The following NUBPL variants were observed in gnomAD, a reference collection of about 807,000 sequenced individuals.
NUBPL encodes NUBP iron-sulfur cluster assembly factor, mitochondrial, also known as iron-sulfur cluster transfer protein NUBPL.
In NUBPL, 31 loss-of-function variants were observed where a neutral mutation model predicts 45.7. The observed-to-expected ratio is 0.68, with a 90% CI of 0.51 to 0.92. The LOEUF is 0.92. NUBPL is among the 40% of genes least tolerant of loss of function. The pLI, the probability that NUBPL is intolerant of heterozygous loss-of-function variation, is 0.00. For missense variants in NUBPL, 401 were observed against 398.7 expected (o/e 1.01, Z -0.05); for synonymous variants, 144 against 140.9 (o/e 1.02, Z -0.15).
chr14:31,686,697 C>T (rs1472556611), intron 6 of NUBPL: 2 of 152,244 alleles, frequency 1.3e-5, no homozygotes, highest in African/African-American at 4.8e-5. Flanking sequence ...TTCATAACAA[C>T]ATGGAATGCT....
At chr14:31,636,255 G>T (rs7140603) in intron 4 of NUBPL, among the ~76,000 whole-genome samples, 24,616 of 150,776 alleles carry the variant, frequency 0.16, 5,715 homozygotes, top group African/African-American at 0.53. Context: ...ATTATTTTGA[G>T]ATACGTCCCA....
At chr14:31,814,022 T>C (rs2039867432) in intron 7 of NUBPL, among the ~76,000 whole-genome samples, 2 of 152,344 alleles carry the variant, frequency 1.3e-5, no homozygotes, top group African/African-American at 4.8e-5. Context: ...TATAGTAGAA[T>C]GATTTATAAT....
At chr14:31,756,112 A>G (rs572060019) in intron 6 of NUBPL, among the ~76,000 whole-genome samples, 24 of 151,682 alleles carry the variant, frequency 1.6e-4, no homozygotes, top group African/African-American at 5.8e-4. Context: ...GCCTTGTAGT[A>G]TAGTTTGAAG....
At chr14:31,856,283 T>C (rs952471970) in intron 10 of NUBPL, among the ~76,000 whole-genome samples, 3 of 152,102 alleles carry the variant, frequency 2.0e-5, no homozygotes, top group Non-Finnish European at 2.9e-5. Context: ...TTCACTGTTA[T>C]GAGAACAGCA....
intron 4 of NUBPL, among the ~76,000 whole-genome samples, chr14:31,639,882 T>G (rs2035630586): frequency 1.3e-5 from 2 of 151,988 alleles, no homozygotes; most frequent in African/African-American, 2.4e-5. Flanking sequence ...TAGGATGGGA[T>G]TATATCCAGG....
At chr14:31,776,053 T>C (rs971936311) in intron 6 of NUBPL, among the ~76,000 whole-genome samples, 1 of 152,224 alleles carries the variant, frequency 6.6e-6, no homozygotes, top group Admixed American at 6.5e-5. Flanking sequence ...TGGTAATTTC[T>C]TTTCGTGTTC....
At chr14:31,732,646 C>T (rs2038078179) in intron 6 of NUBPL, among the ~76,000 whole-genome samples, 2 of 124,714 alleles carry the variant, frequency 1.6e-5, no homozygotes, top group African/African-American at 5.9e-5. Flanking sequence ...GAGTCTCACT[C>T]AGTAGCCCAG....
chr14:31,642,486 T>G (rs2035732564), intron 4 of NUBPL, among the ~76,000 whole-genome samples: 1 of 152,056 alleles, frequency 6.6e-6, no homozygotes, highest in African/African-American at 2.4e-5. Context: ...GAAAATGAGT[T>G]GGCTGTAAAA....
chr14:31,694,202 G>C (rs2037163913), intron 6 of NUBPL, among the ~76,000 whole-genome samples: 1 of 152,118 alleles, frequency 6.6e-6, no homozygotes, highest in Admixed American at 6.6e-5. Context: ...ATTGTTTTTA[G>C]ATTTATTTGG....
intron 7 of NUBPL, among the ~76,000 whole-genome samples, chr14:31,792,268 A>G (rs1176674012): frequency 5.9e-5 from 9 of 152,156 alleles, no homozygotes; most frequent in Non-Finnish European, 1.5e-5. Flanking sequence ...ATATGCCTAA[A>G]TTTGTGCACC....
intron 4 of NUBPL, among the ~76,000 whole-genome samples, chr14:31,664,765 G>A (rs2036364003): frequency 6.6e-6 from 1 of 152,190 alleles, no homozygotes; most frequent in Non-Finnish European, 1.5e-5. Context: ...ATGAATTAGG[G>A]AGGAGTCCCT....
intron 4 of NUBPL, among the ~76,000 whole-genome samples, chr14:31,643,548 C>T (rs982346315): frequency 1.2e-4 from 18 of 152,056 alleles, no homozygotes; most frequent in Admixed American, 2.6e-4. Flanking sequence ...GAATTCAGTT[C>T]GCTGCTATTT....
intron 10 of NUBPL, 81 bp downstream of exon 10, chr14:31,850,282 C>A: frequency 9.1e-7 from 1 of 1,098,702 alleles, no homozygotes; most frequent in Non-Finnish European, 1.4e-6. Flanking sequence ...GAAGATTAAG[C>A]GTTTATATTT....
chr14:31,829,576 G>A (rs542402275), intron 8 of NUBPL, among the ~76,000 whole-genome samples: 5 of 152,238 alleles, frequency 3.3e-5, no homozygotes, highest in African/African-American at 1.2e-4. Flanking sequence ...ATTATTAAGT[G>A]TTTTATAAAT....
intron 6 of NUBPL, among the ~76,000 whole-genome samples, chr14:31,745,737 A>T (rs949146164): frequency 2.0e-5 from 3 of 151,904 alleles, no homozygotes; most frequent in African/African-American, 7.3e-5. Context: ...AAGGCATTTG[A>T]GGTCAGGGCA....
chr14:31,587,290 A>G (rs73271206), intron 3 of NUBPL, among the ~76,000 whole-genome samples: 5,880 of 152,186 alleles, frequency 0.039, 160 homozygotes, highest in African/African-American at 0.084. Flanking sequence ...TCACTTATTA[A>G]CTGTGTAAAC....
chr14:31,826,702 A>G lies in NUBPL; in HGVS notation c.681A>G (p.Arg227=). 1 of 1,614,080 alleles carries G rather than the reference A, an allele frequency of 6.2e-7. No homozygotes were observed. The highest frequency in any genetic ancestry group is 8.5e-7 in the Non-Finnish European group (1 of 1,179,920). The part of the protein sequence containing the change: ...DAHKGAEMFR[R]VHVPVLGLVQ... Reference sequence around the variant, plus strand: ...ACAAGGGTGCTGAGATGTTTCGCAGAGTCCACGTGCCCGTAAGCGTTTACA... The same window carrying G: ...ACAAGGGTGCTGAGATGTTTCGCAGGGTCCACGTGCCCGTAAGCGTTTACA... The change falls in exon 8 of 11, where the codon AGA becomes AGG. Residue 227 remains arginine, a synonymous_variant. Transcript: ENST00000281081.
chr14:31,660,497 C>T (rs886299479), intron 4 of NUBPL, among the ~76,000 whole-genome samples: 6 of 152,142 alleles, frequency 3.9e-5, no homozygotes, highest in Non-Finnish European at 7.4e-5. Flanking sequence ...CCTTTCTGAA[C>T]ATTCTTGTAT....
chr14:31,834,491 T>C (rs1431352010), intron 8 of NUBPL, among the ~76,000 whole-genome samples: 1 of 152,164 alleles, frequency 6.6e-6, no homozygotes, highest in Non-Finnish European at 1.5e-5. Flanking sequence ...TCTGGAACTT[T>C]TTAGTATTTA....
Sources: allele counts gnomAD v4.1 joint callset (sites outside exome capture counted in the v4.1 genomes callset), GRCh38; gene constraint gnomAD v4.1.1; transcripts MANE v1.5; gene names NCBI Gene and HGNC (gene_info 2026-07-23, HGNC 2026-07-21).